The following PTGIS variants were observed in gnomAD, a reference collection of about 807,000 sequenced individuals.
The protein encoded by PTGIS is prostaglandin I2 synthase, also known as prostacyclin synthase.
Under a neutral mutation model 50.3 loss-of-function variants are expected in PTGIS, and 45 were observed. That is an observed-to-expected ratio of 0.90 (90% CI 0.70 to 1.15). The LOEUF (loss-of-function observed/expected upper bound fraction) is 1.15. Ranked by LOEUF, PTGIS falls within the 50% of genes most tolerant of loss-of-function variation. The probability of loss-of-function intolerance (pLI) is 0.00; values close to 1 mark genes in which losing one functional copy is unlikely to be tolerated. For missense variants in PTGIS, 668 were observed against 661.3 expected, an observed-to-expected ratio of 1.01 and a Z score of -0.11; for synonymous variants, 260 against 267.7, an observed-to-expected ratio of 0.97 and a Z score of 0.28.
At chr20:49,517,144 G>C (rs929712004) in intron 6 of PTGIS, among the ~76,000 whole-genome samples, 15 of 152,242 alleles carry the variant, frequency 9.9e-5, no homozygotes, top group Non-Finnish European at 1.8e-4. Flanking sequence ...AAACAAGTCG[G>C]GGGGGCCTCC....
chr20:49,532,829 GA>G (rs555602830), intron 5 of PTGIS, among the ~76,000 whole-genome samples: 128 of 152,182 alleles, frequency 8.4e-4, no homozygotes, highest in Non-Finnish European at 1.6e-3. Context: ...TGTGTAAAAT[GA>G]GGGCCATCTA....
chr20:49,516,917 A>G (rs538726166), intron 6 of PTGIS, among the ~76,000 whole-genome samples: 54 of 152,348 alleles, frequency 3.5e-4, no homozygotes, highest in Admixed American at 2.0e-3. Context: ...GACTGAGACC[A>G]GGTAGAGGTG....
intron 1 of PTGIS, among the ~76,000 whole-genome samples, chr20:49,561,644 C>G (rs1438894450): frequency 6.6e-6 from 1 of 152,232 alleles, no homozygotes; most frequent in Non-Finnish European, 1.5e-5. Context: ...CAAACTTTAG[C>G]ACCATACTTC....
chr20:49,547,951 C>T lies in PTGIS; in HGVS notation c.267G>A (p.Glu89=), dbSNP rs757667234. Residue 89 remains glutamate (E), a synonymous_variant, in exon 3 of 10, where the codon GAG becomes GAA. Transcript: ENST00000244043. ...CATGGAAGTCGAGCCTGGTGCGAGG[C>T]TCCCACACCACCGCGTCGTAGGAGT... ...DPHSYDAVVW[E]PRTRLDFHAY... is the part of the protein sequence containing the mutation. 3 of 1,614,076 alleles carry T rather than the reference C, an allele frequency of 1.9e-6. No individual in the cohort carries two copies. The South Asian group carries it at 3.3e-5, about 18-fold the overall frequency.
At chr20:49,551,493 C>A (rs1415867569) in intron 1 of PTGIS, among the ~76,000 whole-genome samples, 1 of 152,168 alleles carries the variant, frequency 6.6e-6, no homozygotes. Context: ...CCACCTATAA[C>A]CTGGAAGCAC....
chr20:49,510,956 C>G (rs753413822), intron 9 of PTGIS, 72 bp downstream of exon 9: 58 of 1,446,568 alleles, frequency 4.0e-5, no homozygotes, highest in Non-Finnish European at 5.2e-5. Flanking sequence ...AGCCCTCAGT[C>G]CCAGGAGAGA....
intron 1 of PTGIS, among the ~76,000 whole-genome samples, chr20:49,564,640 G>A (rs187811916): frequency 5.3e-5 from 8 of 152,164 alleles, no homozygotes; most frequent in East Asian, 1.9e-4. Context: ...TTCTTTTTCT[G>A]TATAGTTGAA....
chr20:49,562,342 G>C (rs1488248850), intron 1 of PTGIS, among the ~76,000 whole-genome samples: 4 of 152,214 alleles, frequency 2.6e-5, no homozygotes, highest in Non-Finnish European at 5.9e-5. Flanking sequence ...AGCGAGCCAG[G>C]TGTTATTCCT....
chr20:49,545,469 A>T (rs1982334285), intron 3 of PTGIS, among the ~76,000 whole-genome samples: 1 of 151,808 alleles, frequency 6.6e-6, no homozygotes, highest in African/African-American at 2.4e-5. Context: ...CATGAGAGTG[A>T]CACAAGGAAA....
At chr20:49,511,882 T>C (rs1329476370) in intron 8 of PTGIS, among the ~76,000 whole-genome samples, 1 of 149,510 alleles carries the variant, frequency 6.7e-6, no homozygotes, top group Non-Finnish European at 1.5e-5. Context: ...GGTGGATGGA[T>C]GGATGGGTAG....
chr20:49,537,775 A>G (rs1982118070), intron 5 of PTGIS, among the ~76,000 whole-genome samples: 1 of 152,124 alleles, frequency 6.6e-6, no homozygotes, highest in Non-Finnish European at 1.5e-5. Context: ...AAACAAAAAC[A>G]AAACAAAAAA....
intron 1 of PTGIS, among the ~76,000 whole-genome samples, chr20:49,552,888 A>T (rs1021852795): frequency 6.6e-6 from 1 of 152,134 alleles, no homozygotes; most frequent in South Asian, 2.1e-4. Flanking sequence ...ATCTTATCAG[A>T]TCTACTGCTG....
Position 49,511,186 on chromosome 20 carries a change from T to G in PTGIS, c.1207-7A>C. 6.2e-7 allele frequency: 1 copy of G among 1,614,068 alleles called. No homozygotes were observed. The highest frequency in any genetic ancestry group is 1.7e-4 in the Middle Eastern group (1 of 6,054). Reference sequence around the variant, plus strand: ...ATCGGTTGTATTTAAATACCTGAAATAGGAAGAAGGTCCTTTTCTGACCCC... The same window carrying G: ...ATCGGTTGTATTTAAATACCTGAAAGAGGAAGAAGGTCCTTTTCTGACCCC... On this transcript the variant is annotated splice_region_variant and splice_polypyrimidine_tract_variant and intron_variant, in intron 8 of 9. Transcript: ENST00000244043.
In PTGIS at chr20:49,514,361, A is replaced by G. The variant is rs1981415467; in HGVS notation, c.890T>C (p.Leu297Pro). 6 of 1,613,922 alleles carry G rather than the reference A, an allele frequency of 3.7e-6. No individual in the cohort carries two copies. The highest frequency in any genetic ancestry group is 5.1e-6 in the Non-Finnish European group (6 of 1,180,042). The change falls in exon 7 of 10, where the codon CTC becomes CCC. Residue 297 changes from leucine to proline, a missense_variant. Leu to Pro is a moderately conservative substitution (Grantham distance 98, BLOSUM62 -3). Transcript: ENST00000244043. Reference sequence around the variant, plus strand: ...GGCTTCAGGATTCTTGAGAAGGAAGAGCAGGAGCCAGAAGGCAGCGGGACC... The same window carrying G: ...GGCTTCAGGATTCTTGAGAAGGAAGGGCAGGAGCCAGAAGGCAGCGGGACC... ...NMGPAAFWLL[L>P]FLLKNPEALA...
chr20:49,568,034 G>T lies in PTGIS; in HGVS notation c.74+9C>A, dbSNP rs1473716423. Reference sequence around the variant, plus strand: ...TGTCTGGCGGGGCCGAGCGGAGCAGGACACTCACCGCGTGCGGCGGCGGCT... The same window carrying T: ...TGTCTGGCGGGGCCGAGCGGAGCAGTACACTCACCGCGTGCGGCGGCGGCT... On this transcript the variant is annotated intron_variant, in intron 1 of 9. Transcript: ENST00000244043. The T allele has an allele frequency of 5.4e-6, 8 of 1,486,618 alleles. No individual in the cohort carries two copies. The South Asian group carries it at 6.3e-5, about 12-fold the overall frequency. The allele number at this position is 1,486,618 out of a possible 1,614,324, so 92.1% of individuals were successfully genotyped here.
rs149976385 is a variant in PTGIS, at chr20:49,510,912, A to T, written c.1358+116T>A. The T allele has an allele frequency of 1.0e-5, 10 of 958,040 alleles. No individual in the cohort carries two copies. In the African/African-American group the frequency reaches 1.5e-4, roughly 14 times the overall value. 59.3% of individuals were successfully genotyped at this position (958,040 alleles called of 1,614,324 possible). On this transcript the variant is annotated intron_variant, in intron 9 of 9. Transcript: ENST00000244043. ...ATAAGAGATGGCTCACGGGCTGTCC[A>T]TGTGAAGCCTCTGCCAAACCATTCT...
intron 4 of PTGIS, 89 bp from the exon 5 acceptor site, chr20:49,539,810 G>A (rs1982180066): frequency 1.3e-6 from 2 of 1,487,570 alleles, no homozygotes; most frequent in Non-Finnish European, 1.8e-6. Context: ...CATACACCCA[G>A]TGAGCAACTA....
Position 49,560,290 on chromosome 20 carries a change from T to C in PTGIS, c.74+7753A>G, listed in dbSNP as rs551828557. On this transcript the variant is annotated intron_variant, in intron 1 of 9. Coordinates refer to ENST00000244043, the MANE Select transcript of PTGIS (RefSeq NM_000961.4). ...TCATAGTTGACTATAACCTCAAACGTTTGGACTCACGCAATCCTCCAGCCT... is the reference window on the plus strand; with the variant it reads ...TCATAGTTGACTATAACCTCAAACGCTTGGACTCACGCAATCCTCCAGCCT... Among the ~76,000 whole-genome samples, 6 of 151,818 alleles carry C rather than the reference T, an allele frequency of 4.0e-5. No individual in the cohort carries two copies. In the East Asian group the frequency reaches 1.2e-3, roughly 29 times the overall value.
chr20:49,542,426 C>G (rs913836512), intron 4 of PTGIS, among the ~76,000 whole-genome samples: 21 of 152,234 alleles, frequency 1.4e-4, no homozygotes, highest in Non-Finnish European at 2.5e-4. Flanking sequence ...CCTGAAGACA[C>G]AGTTACCGGG....
Sources: gnomAD v4.1 joint callset for allele counts (sites outside exome capture counted in the v4.1 genomes callset) on GRCh38, gnomAD v4.1.1 for gene constraint, MANE v1.5 for transcripts, NCBI Gene and HGNC (gene_info 2026-07-23, HGNC 2026-07-21) for gene names.